Variants in CDKAL1 observed in about 807,000 individuals in gnomAD.
CDKAL1 encodes the protein CDKAL1 threonylcarbamoyladenosine tRNA methylthiotransferase.
In CDKAL1, 32 loss-of-function variants were observed where a neutral mutation model predicts 68.2. The observed-to-expected ratio is 0.47, with a 90% confidence interval of 0.35 to 0.63. The LOEUF is 0.63. Among genes scored for constraint, CDKAL1 ranks in the 30% least tolerant of loss-of-function variants. The pLI is 0.00. For missense variants in CDKAL1, 606 were observed against 696.7 expected (o/e 0.87, Z 1.47); for synonymous variants, 234 against 244.3 (o/e 0.96, Z 0.39).
chr6:21,171,230 T>C (rs74385492), intron 13 of CDKAL1, among the ~76,000 whole-genome samples: 1 of 152,168 alleles, frequency 6.6e-6, no homozygotes, highest in Non-Finnish European at 1.5e-5. Flanking sequence ...TTCTTTTTTT[T>C]GAGACAGAGT....
chr6:20,895,094 T>C (rs1761610661), intron 9 of CDKAL1, among the ~76,000 whole-genome samples: 1 of 152,218 alleles, frequency 6.6e-6, no homozygotes, highest in Non-Finnish European at 1.5e-5. Context: ...GTTTTGTAAG[T>C]TTATAATATT....
chr6:20,878,392 G>A (rs974685278), intron 9 of CDKAL1, among the ~76,000 whole-genome samples: 2 of 152,094 alleles, frequency 1.3e-5, no homozygotes, highest in African/African-American at 4.8e-5. Flanking sequence ...TCCTACATGC[G>A]GTATTATTGT....
intron 4 of CDKAL1, among the ~76,000 whole-genome samples, chr6:20,592,169 G>T (rs1218261823): frequency 6.6e-6 from 1 of 152,096 alleles, no homozygotes. Context: ...TTGGCTTTCT[G>T]TTTGTCTGTT....
At chr6:21,129,682 C>CA (rs34802727) in intron 13 of CDKAL1, among the ~76,000 whole-genome samples, 22,826 of 67,564 alleles carry the variant, frequency 0.34, 1,638 homozygotes, top group South Asian at 0.38. Flanking sequence ...TGCAGTTTAC[C>CA]AAAAAAAAAA....
chr6:20,649,311 A>ATT lies in CDKAL1; in HGVS notation c.307_308dup (p.Leu103PhefsTer5). The ATT allele has an allele frequency of 2.5e-6, 4 of 1,608,116 alleles. No homozygotes were observed. The highest frequency in any genetic ancestry group is 3.4e-6 in the Non-Finnish European group (4 of 1,178,076). On this transcript the variant is annotated frameshift_variant, in exon 5 of 16. Coordinates refer to ENST00000274695, the MANE Select transcript of CDKAL1 (RefSeq NM_017774.3). LOFTEE classifies it high-confidence loss of function. ...TTAATAGAAAATGCATCCGATGCAG[A>ATT]TTTATGGCTCCTGAACAGTTGCACT...
chr6:21,138,613 A>G (rs1245010263), intron 13 of CDKAL1, among the ~76,000 whole-genome samples: 1 of 152,212 alleles, frequency 6.6e-6, no homozygotes, highest in Non-Finnish European at 1.5e-5. Context: ...AGTACTCATA[A>G]AATCTCTTGC....
chr6:21,213,935 T>C (rs892944007), intron 15 of CDKAL1, among the ~76,000 whole-genome samples: 1 of 152,182 alleles, frequency 6.6e-6, no homozygotes, highest in Non-Finnish European at 1.5e-5. Context: ...AAAGTATCTA[T>C]CAACAGATGA....
intron 13 of CDKAL1, among the ~76,000 whole-genome samples, chr6:21,122,556 T>G (rs1468810696): frequency 6.6e-6 from 1 of 152,166 alleles, no homozygotes; most frequent in African/African-American, 2.4e-5. Flanking sequence ...TATTTCCATA[T>G]TGCATAGGCC....
intron 10 of CDKAL1, among the ~76,000 whole-genome samples, chr6:20,967,341 A>C (rs1381940050): frequency 6.6e-6 from 1 of 152,198 alleles, no homozygotes; most frequent in African/African-American, 2.4e-5. Context: ...GAAATTCTTT[A>C]GTATGACATT....
At chr6:21,102,867 GCTTC>G (rs2150985196) in intron 12 of CDKAL1, among the ~76,000 whole-genome samples, 1 of 152,194 alleles carries the variant, frequency 6.6e-6, no homozygotes, top group East Asian at 1.9e-4. Flanking sequence ...CTACCTTTCT[GCTTC>G]CTGCCAGTTG....
At chr6:20,929,116 G>A (rs1763312708) in intron 9 of CDKAL1, among the ~76,000 whole-genome samples, 1 of 152,144 alleles carries the variant, frequency 6.6e-6, no homozygotes, top group Non-Finnish European at 1.5e-5. Context: ...GGAATTGTTA[G>A]CATAAATCCT....
intron 7 of CDKAL1, among the ~76,000 whole-genome samples, chr6:20,763,254 A>C (rs768019720): frequency 6.6e-6 from 1 of 152,068 alleles, no homozygotes; most frequent in Non-Finnish European, 1.5e-5. Flanking sequence ...TCCTTACCCT[A>C]AGGTCACAGC....
chr6:20,660,662 T>A (rs1270118701), intron 5 of CDKAL1, among the ~76,000 whole-genome samples: 2 of 151,976 alleles, frequency 1.3e-5, no homozygotes, highest in African/African-American at 4.8e-5. Flanking sequence ...ATGTCTTGAG[T>A]GAGAGAGTAG....
intron 8 of CDKAL1, among the ~76,000 whole-genome samples, chr6:20,814,540 A>G (rs1776962374): frequency 6.6e-6 from 1 of 152,124 alleles, no homozygotes; most frequent in Non-Finnish European, 1.5e-5. Flanking sequence ...TCTGCCTCCT[A>G]AAGTGTCAGG....
chr6:20,558,602 A>C, intron 4 of CDKAL1: 1 of 456,674 alleles, frequency 2.2e-6, no homozygotes, highest in Middle Eastern at 3.3e-4. Flanking sequence ...GGGCCAGGAA[A>C]AATCACTTTG....
chr6:20,825,664 C>T (rs1777473565), intron 8 of CDKAL1, among the ~76,000 whole-genome samples: 2 of 151,984 alleles, frequency 1.3e-5, no homozygotes. Context: ...CTTGTGGCAT[C>T]GAAGCATACC....
intron 9 of CDKAL1, among the ~76,000 whole-genome samples, chr6:20,884,757 G>A (rs533159501): frequency 5.1e-4 from 78 of 152,206 alleles, no homozygotes; most frequent in African/African-American, 1.6e-3. Context: ...AAGTGATTCC[G>A]TTTACAATAG....
intron 9 of CDKAL1, among the ~76,000 whole-genome samples, chr6:20,922,927 C>T (rs1404252759): frequency 1.3e-5 from 2 of 152,092 alleles, no homozygotes; most frequent in East Asian, 3.8e-4. Flanking sequence ...AGGCATAGGT[C>T]ATAAGTTTAT....
chr6:20,591,054 TGGCATGA>T (rs1765570791), intron 4 of CDKAL1, among the ~76,000 whole-genome samples: 2 of 152,240 alleles, frequency 1.3e-5, no homozygotes, highest in African/African-American at 2.4e-5. Flanking sequence ...CCATTCTAAC[TGGCATGA>T]GATGGTATCT....
Sources: gnomAD v4.1 joint callset for allele counts (sites outside exome capture counted in the v4.1 genomes callset) on GRCh38, gnomAD v4.1.1 for gene constraint, MANE v1.5 for transcripts, NCBI Gene and HGNC (gene_info 2026-07-23, HGNC 2026-07-21) for gene names.